The following CNIH3 variants were observed in gnomAD, a reference collection of about 807,000 sequenced individuals.
CNIH3 encodes the protein protein cornichon homolog 3.
Under a neutral mutation model 24.1 loss-of-function variants are expected in CNIH3, and 14 were observed. The ratio of observed to expected loss-of-function variants is 0.58; its 90% CI spans 0.38 to 0.91. The LOEUF (loss-of-function observed/expected upper bound fraction) is 0.91, where lower values mean the gene tolerates loss of function less well. Ranked by LOEUF, CNIH3 falls within the 40% of genes least tolerant of loss-of-function variation. CNIH3 has a pLI of 0.00. For synonymous variants in CNIH3, 68 were observed against 73.8 expected (o/e 0.92, Z 0.40); for missense variants, 178 against 196.8 (o/e 0.90, Z 0.57).
At chr1:224,702,968 A>G (rs1299474318) in intron 3 of CNIH3, among the ~76,000 whole-genome samples, 1 of 152,314 alleles carries the variant, frequency 6.6e-6, no homozygotes, top group Middle Eastern at 3.4e-3. Context: ...TGTAAGGGCT[A>G]GCTTTTAATT....
chr1:224,644,694 A>C (rs796067561), intron 1 of CNIH3, among the ~76,000 whole-genome samples: 7 of 152,284 alleles, frequency 4.6e-5, no homozygotes, highest in African/African-American at 1.7e-4. Context: ...CTGTATGCCA[A>C]ACAATTTTTT....
chr1:224,479,583 A>G (rs1056973958), intron 1 of CNIH3, among the ~76,000 whole-genome samples: 1 of 152,248 alleles, frequency 6.6e-6, no homozygotes, highest in Non-Finnish European at 1.5e-5. Context: ...CCTAATTACA[A>G]TGGGGTTACA....
chr1:224,542,242 C>T (rs1217895274), downstream of CNIH3, among the ~76,000 whole-genome samples: 3 of 152,196 alleles, frequency 2.0e-5, no homozygotes, highest in Non-Finnish European at 4.4e-5. Context: ...TAAATTCCAT[C>T]TATTTGTAGG....
intron 4 of CNIH3, among the ~76,000 whole-genome samples, chr1:224,732,994 C>CTTGT (rs886234817): frequency 1.3e-5 from 2 of 152,072 alleles, no homozygotes; most frequent in African/African-American, 4.8e-5. Flanking sequence ...AACCAGAGCC[C>CTTGT]TTGTACACCC....
upstream of CNIH3, among the ~76,000 whole-genome samples, chr1:224,614,877 G>A (rs1682871921): frequency 1.3e-5 from 2 of 150,858 alleles, no homozygotes; most frequent in Admixed American, 1.3e-4. Flanking sequence ...AACCAGGGAG[G>A]TGGAGGTTGC....
chr1:224,556,855 T>C (rs1369937364), intron 3 of CNIH3, among the ~76,000 whole-genome samples: 11 of 152,142 alleles, frequency 7.2e-5, no homozygotes, highest in Middle Eastern at 3.2e-3. Flanking sequence ...AGCAGCTCCC[T>C]GGTATAAAAT....
chr1:224,529,823 T>C (rs960072762), intron 2 of CNIH3, among the ~76,000 whole-genome samples: 1 of 152,258 alleles, frequency 6.6e-6, no homozygotes, highest in Non-Finnish European at 1.5e-5. Flanking sequence ...ACTTTGTTTC[T>C]GATAACGGGC....
chr1:224,699,791 C>T (rs1376361515), intron 3 of CNIH3, among the ~76,000 whole-genome samples: 1 of 152,188 alleles, frequency 6.6e-6, no homozygotes, highest in Non-Finnish European at 1.5e-5. Flanking sequence ...CCCCTCACCC[C>T]CTACCTGTCC....
intron 1 of CNIH3, among the ~76,000 whole-genome samples, chr1:224,490,140 C>G (rs1379685807): frequency 6.6e-6 from 1 of 152,186 alleles, no homozygotes; most frequent in Non-Finnish European, 1.5e-5. Flanking sequence ...TTTAGAAAGA[C>G]AGGCTCATCC....
At chr1:224,613,518 G>A (rs977217740), upstream of CNIH3, among the ~76,000 whole-genome samples, 1 of 152,136 alleles carries the variant, frequency 6.6e-6, no homozygotes, top group Non-Finnish European at 1.5e-5. Context: ...GATATAGTTT[G>A]GGTTATTTGT....
At chr1:224,673,174 G>T (rs1685954546) in intron 1 of CNIH3, among the ~76,000 whole-genome samples, 1 of 152,140 alleles carries the variant, frequency 6.6e-6, no homozygotes, top group African/African-American at 2.4e-5. Flanking sequence ...ATCAGCAGTG[G>T]CCCCCTCGGT....
upstream of CNIH3, chr1:224,615,723 C>T (rs1682927068): frequency 1.3e-5 from 2 of 152,302 alleles, no homozygotes; most frequent in East Asian, 3.9e-4. Context: ...TTCCCTAGTC[C>T]CAAGGTCGGA....
At chr1:224,708,564 C>T (rs1687950725) in intron 3 of CNIH3, among the ~76,000 whole-genome samples, 3 of 152,190 alleles carry the variant, frequency 2.0e-5, no homozygotes, top group African/African-American at 7.2e-5. Flanking sequence ...ATGTGCCTCT[C>T]CTTCTATTGA....
chr1:224,573,939 A>G (rs1409423217), intron 4 of CNIH3, among the ~76,000 whole-genome samples: 2 of 152,060 alleles, frequency 1.3e-5, no homozygotes, highest in African/African-American at 2.4e-5. Context: ...AAAGCATTAT[A>G]TATTTATAGA....
chr1:224,448,036 CT>C (rs769273730), intron 1 of CNIH3, among the ~76,000 whole-genome samples: 82 of 152,126 alleles, frequency 5.4e-4, no homozygotes, highest in Non-Finnish European at 9.6e-4. Context: ...ATTATATAGT[CT>C]TTCAAGTGGC....
intron 1 of CNIH3, among the ~76,000 whole-genome samples, chr1:224,442,913 TTTGGGTATATGAAAC>T (rs1322082798): frequency 2.6e-5 from 4 of 152,220 alleles, no homozygotes; most frequent in African/African-American, 9.6e-5. Flanking sequence ...CTTTTCCCTT[TTTGGGTATATGAAAC>T]TTCGGCTCCT....
At chr1:224,541,558 G>C (rs1468420600), downstream of CNIH3, among the ~76,000 whole-genome samples, 1 of 152,162 alleles carries the variant, frequency 6.6e-6, no homozygotes, top group African/African-American at 2.4e-5. Flanking sequence ...ACCCTGAGCT[G>C]AGTCAGCAAA....
chr1:224,658,772 A>G (rs555891118), intron 1 of CNIH3, among the ~76,000 whole-genome samples: 7 of 150,956 alleles, frequency 4.6e-5, no homozygotes, highest in African/African-American at 1.7e-4. Flanking sequence ...ATCTCCTATT[A>G]TCTCTTATTA....
At chr1:224,501,770 G>A (rs1174380424) in intron 1 of CNIH3, among the ~76,000 whole-genome samples, 3 of 151,950 alleles carry the variant, frequency 2.0e-5, no homozygotes, top group African/African-American at 7.3e-5. Flanking sequence ...TAGTAGAGAC[G>A]GGGTTTTACT....
Sources: allele counts gnomAD v4.1 joint callset (sites outside exome capture counted in the v4.1 genomes callset), GRCh38; gene constraint gnomAD v4.1.1; transcripts MANE v1.5; gene names NCBI Gene and HGNC (gene_info 2026-07-23, HGNC 2026-07-21).